MYO16: variants seen among roughly 807,000 people sequenced by gnomAD.
MYO16 encodes myosin XVI, also known as unconventional myosin-XVI.
A neutral mutation model predicts 205.3 loss-of-function variants in MYO16; 94 were observed. That is an observed-to-expected ratio of 0.46 (90% confidence interval 0.39 to 0.54). MYO16 has a LOEUF of 0.54. Ranked by LOEUF, MYO16 falls within the 20% of genes least tolerant of loss-of-function variation. The probability of loss-of-function intolerance (pLI) is 0.00; values close to 1 mark genes in which losing one functional copy is unlikely to be tolerated. For synonymous variants in MYO16, 988 were observed against 954.0 expected, an observed-to-expected ratio of 1.04 and a Z score of -0.66; for missense variants, 2,315 against 2,387.5, an observed-to-expected ratio of 0.97 and a Z score of 0.63.
At chr13:108,581,486 CT>C in the MYO16 span, among the ~76,000 whole-genome samples, 7 of 150,928 alleles carry the variant, frequency 4.6e-5, no homozygotes, top group South Asian at 2.1e-4. Flanking sequence ...TTCTTCTTGC[CT>C]TTTTTTTTGT....
intron 23 of MYO16, among the ~76,000 whole-genome samples, chr13:109,028,244 TATA>T (rs1340997231): frequency 2.1e-5 from 3 of 144,806 alleles, no homozygotes; most frequent in Admixed American, 1.4e-4. Context: ...TATATAAACA[TATA>T]ATATAAAAAA....
At chr13:108,783,227 A>C (rs1487470724) in intron 4 of MYO16, among the ~76,000 whole-genome samples, 1 of 152,200 alleles carries the variant, frequency 6.6e-6, no homozygotes. Flanking sequence ...ATTTTAGATC[A>C]GCATGACCTG....
intron 16 of MYO16, among the ~76,000 whole-genome samples, chr13:108,939,275 C>T (rs1043864072): frequency 1.3e-5 from 2 of 152,188 alleles, no homozygotes; most frequent in African/African-American, 4.8e-5. Flanking sequence ...GGTAACTCCC[C>T]GAGTTAACTT....
chr13:109,106,907 G>A (rs1889137787), intron 28 of MYO16, among the ~76,000 whole-genome samples: 1 of 152,178 alleles, frequency 6.6e-6, no homozygotes, highest in Non-Finnish European at 1.5e-5. Flanking sequence ...TGTGATACCT[G>A]TTTCTGGAAA....
chr13:108,832,768 AAAT>A (rs1876693731), intron 9 of MYO16, among the ~76,000 whole-genome samples: 1 of 152,202 alleles, frequency 6.6e-6, no homozygotes, highest in Non-Finnish European at 1.5e-5. Flanking sequence ...CTTTTATATC[AAAT>A]AAGTCATTTG....
At chr13:108,641,452 G>A (rs1880499734) in intron 1 of MYO16, among the ~76,000 whole-genome samples, 1 of 152,156 alleles carries the variant, frequency 6.6e-6, no homozygotes, top group South Asian at 2.1e-4. Flanking sequence ...CATTCAAGTT[G>A]TTAGTAGAAA....
chr13:108,740,997 G>A (rs1884888613), intron 4 of MYO16, among the ~76,000 whole-genome samples: 1 of 152,126 alleles, frequency 6.6e-6, no homozygotes, highest in Admixed American at 6.5e-5. Flanking sequence ...GCAGTATTAG[G>A]GTGGGAGTGA....
chr13:109,001,555 A>C (rs1212964721), intron 21 of MYO16, among the ~76,000 whole-genome samples: 1 of 152,194 alleles, frequency 6.6e-6, no homozygotes, highest in East Asian at 1.9e-4. Context: ...TTCTGAGAAG[A>C]CAAAATAAAC....
intron 2 of MYO16, among the ~76,000 whole-genome samples, chr13:108,667,623 C>CTCAT (rs1881798875): frequency 1.3e-5 from 2 of 152,184 alleles, no homozygotes; most frequent in Non-Finnish European, 2.9e-5. Context: ...TACCTTCCAG[C>CTCAT]AGCATTGAGC....
intron 25 of MYO16, among the ~76,000 whole-genome samples, chr13:109,053,542 C>A (rs369271933): frequency 1.3e-5 from 2 of 151,962 alleles, no homozygotes; most frequent in South Asian, 4.2e-4. Flanking sequence ...TCCTAAAAAT[C>A]AAGAGCAAAA....
intron 4 of MYO16, among the ~76,000 whole-genome samples, chr13:108,769,626 A>T (rs1885895978): frequency 6.6e-6 from 1 of 152,182 alleles, no homozygotes; most frequent in South Asian, 2.1e-4. Flanking sequence ...TAAACCTGTT[A>T]AGCAACCGCT....
chr13:108,639,994 G>C (rs915074303), intron 1 of MYO16, among the ~76,000 whole-genome samples: 3 of 152,202 alleles, frequency 2.0e-5, no homozygotes, highest in African/African-American at 7.2e-5. Context: ...AAGTCCCACG[G>C]TATGCAAGAA....
chr13:108,656,886 A>G (rs1881269408), intron 1 of MYO16, among the ~76,000 whole-genome samples: 2 of 152,190 alleles, frequency 1.3e-5, no homozygotes, highest in African/African-American at 4.8e-5. Context: ...AGAAAAAGCA[A>G]TCAGTGAAAA....
intron 32 of MYO16, among the ~76,000 whole-genome samples, chr13:109,153,232 G>A (rs368353021): frequency 6.6e-6 from 1 of 151,888 alleles, no homozygotes; most frequent in Non-Finnish European, 1.5e-5. Context: ...GGATTTATAC[G>A]GGCAAATAGG....
intron 13 of MYO16, among the ~76,000 whole-genome samples, chr13:108,887,858 A>C (rs1879973882): frequency 6.6e-6 from 1 of 152,170 alleles, no homozygotes; most frequent in Non-Finnish European, 1.5e-5. Context: ...GCTTTTCCAC[A>C]GAAGAGGTAA....
In MYO16 at chr13:109,055,408, AT is replaced by A; in HGVS notation, c.3150del (p.Ile1050MetfsTer44). On this transcript the variant is annotated frameshift_variant, in exon 27 of 35. Coordinates refer to ENST00000457511, the MANE Select transcript of MYO16 (RefSeq NM_001198950.3). LOFTEE classifies it high-confidence loss of function. This position sits in a 1 kb window ranked among gnomAD's most constrained non-coding sequence, Gnocchi z 5.0. ...SQLRKSLMDI[I>X]GKLQKCTPHF... ...TCCTTAGAAATCACTAATGGATATTATTGGAAAACTTCAGAAGTGCACTCCA... is the reference window on the plus strand; with the variant it reads ...TCCTTAGAAATCACTAATGGATATTATGGAAAACTTCAGAAGTGCACTCCA... 6.2e-7 allele frequency: 1 copy of A among 1,611,880 alleles called. No homozygotes were observed. The highest frequency in any genetic ancestry group is 8.5e-7 in the Non-Finnish European group (1 of 1,178,722).
At chr13:109,022,157 T>A (rs185309676) in intron 23 of MYO16, among the ~76,000 whole-genome samples, 1 of 123,760 alleles carries the variant, frequency 8.1e-6, no homozygotes, top group East Asian at 2.5e-4. Flanking sequence ...ATATACAAAT[T>A]TATATATACA....
intron 3 of MYO16, among the ~76,000 whole-genome samples, chr13:108,724,443 C>T (rs565123741): frequency 1.3e-5 from 2 of 152,258 alleles, no homozygotes; most frequent in African/African-American, 4.8e-5. Flanking sequence ...CTTTGTTATC[C>T]AGTCTAATAC....
the MYO16 span, among the ~76,000 whole-genome samples, chr13:108,569,289 A>G: frequency 6.6e-6 from 1 of 152,140 alleles, no homozygotes; most frequent in South Asian, 2.1e-4. Context: ...CTTCCAGTCC[A>G]TGAATGTGTA....
Sources: gnomAD v4.1 joint callset for allele counts (sites outside exome capture counted in the v4.1 genomes callset) on GRCh38, gnomAD v4.1.1 for gene constraint, Gnocchi (gnomAD v3.1) non-coding constraint, MANE v1.5 for transcripts, NCBI Gene and HGNC (gene_info 2026-07-23, HGNC 2026-07-21) for gene names.